The following STIM2 variants were observed in gnomAD, a reference collection of about 807,000 sequenced individuals.
STIM2 encodes the protein stromal interaction molecule 2.
STIM2 carries 31 observed loss-of-function variants against 85.8 expected under a neutral mutation model. The observed-to-expected ratio is 0.36, with a 90% CI of 0.27 to 0.49. The LOEUF (loss-of-function observed/expected upper bound fraction) is 0.49, where lower values mean the gene tolerates loss of function less well. Among genes scored for constraint, STIM2 ranks in the 20% least tolerant of loss-of-function variants. The probability of loss-of-function intolerance (pLI) is 0.98; values close to 1 mark genes in which losing one functional copy is unlikely to be tolerated. For missense variants in STIM2, 841 were observed against 927.6 expected, an observed-to-expected ratio of 0.91 and a Z score of 1.21; for synonymous variants, 356 against 331.1, an observed-to-expected ratio of 1.08 and a Z score of -0.82.
intron 1 of STIM2, among the ~76,000 whole-genome samples, chr4:26,885,859 A>ATATATATATGTATATATATATATG (rs1553845029): frequency 1.1e-5 from 1 of 89,440 alleles, no homozygotes. Flanking sequence ...ATATATATAT[A>ATATATATATGTATATATATATATG]TATATATATA....
intron 2 of STIM2, among the ~76,000 whole-genome samples, chr4:26,949,099 T>C (rs1725952091): frequency 6.6e-6 from 1 of 152,196 alleles, no homozygotes. Context: ...TAGAATTGCT[T>C]TTCTTTTTGT....
intron 1 of STIM2, chr4:26,873,616 G>A: frequency 1.9e-6 from 1 of 535,042 alleles, no homozygotes; most frequent in Non-Finnish European, 3.5e-6. Context: ...GACAGGGCTT[G>A]TTTCCTGCAG....
intron 1 of STIM2, among the ~76,000 whole-genome samples, chr4:26,897,879 C>T (rs559345441): frequency 7.9e-5 from 12 of 152,212 alleles, no homozygotes; most frequent in Non-Finnish European, 1.2e-4. Flanking sequence ...GATCTTTCTG[C>T]CTCAGCCTCC....
intron 3 of STIM2, among the ~76,000 whole-genome samples, chr4:26,968,179 A>G (rs1726803659): frequency 6.6e-6 from 1 of 152,140 alleles, no homozygotes; most frequent in Admixed American, 6.5e-5. Flanking sequence ...TCCAAAAAAA[A>G]TCATTAACCT....
At chr4:26,986,282 A>G (rs1259224983) in intron 3 of STIM2, among the ~76,000 whole-genome samples, 1 of 152,232 alleles carries the variant, frequency 6.6e-6, no homozygotes, top group African/African-American at 2.4e-5. Context: ...TACTATTATT[A>G]ACATGTCTCT....
chr4:27,020,766 G>T (rs1028347958), intron 11 of STIM2, among the ~76,000 whole-genome samples: 11 of 152,124 alleles, frequency 7.2e-5, no homozygotes, highest in Non-Finnish European at 1.5e-4. Context: ...TATTCATTTT[G>T]TAAATATGAA....
intron 1 of STIM2, among the ~76,000 whole-genome samples, chr4:26,907,993 G>T (rs530671437): frequency 6.6e-6 from 1 of 152,060 alleles, no homozygotes; most frequent in Admixed American, 6.5e-5. Context: ...ACCCATTTTT[G>T]TTGCTGAGAC....
At chr4:26,985,042 A>G (rs1463321847) in intron 3 of STIM2, among the ~76,000 whole-genome samples, 1 of 152,190 alleles carries the variant, frequency 6.6e-6, no homozygotes, top group African/African-American at 2.4e-5. Context: ...AATTTACTCC[A>G]TGTTACAAAG....
chr4:26,913,219 A>T (rs777650294), intron 1 of STIM2, among the ~76,000 whole-genome samples: 1 of 152,164 alleles, frequency 6.6e-6, no homozygotes, highest in Admixed American at 6.6e-5. Flanking sequence ...CAAAGTATGT[A>T]TTAGATTTGG....
At chr4:26,945,436 A>G (rs186272908) in intron 2 of STIM2, among the ~76,000 whole-genome samples, 78 of 152,272 alleles carry the variant, frequency 5.1e-4, no homozygotes, top group African/African-American at 1.8e-3. Flanking sequence ...AATGATAGAT[A>G]TGATTTATAT....
At chr4:26,964,516 A>C (rs1249498205) in intron 3 of STIM2, among the ~76,000 whole-genome samples, 1 of 152,146 alleles carries the variant, frequency 6.6e-6, no homozygotes, top group East Asian at 1.9e-4. Flanking sequence ...GGGAAGAATG[A>C]AACTTGAATT....
At chr4:26,870,461 A>G (rs1035280736) in intron 1 of STIM2, among the ~76,000 whole-genome samples, 2 of 152,234 alleles carry the variant, frequency 1.3e-5, no homozygotes, top group African/African-American at 4.8e-5. Context: ...AATATATGTT[A>G]GAATATTTAA....
intron 1 of STIM2, 54 bp downstream of exon 1, chr4:26,861,423 A>G (rs1722185293): frequency 2.3e-6 from 3 of 1,277,248 alleles, no homozygotes. Context: ...TGGGACCCCC[A>G]ACCCGTGCAG....
chr4:26,863,448 G>A (rs1722292076), intron 1 of STIM2, among the ~76,000 whole-genome samples: 1 of 151,992 alleles, frequency 6.6e-6, no homozygotes, highest in South Asian at 2.1e-4. Flanking sequence ...TCTTGGTAAA[G>A]GTAAACTGAA....
chr4:26,970,283 A>C (rs1400340415), intron 3 of STIM2, among the ~76,000 whole-genome samples: 4 of 149,400 alleles, frequency 2.7e-5, no homozygotes, highest in African/African-American at 9.8e-5. Flanking sequence ...GTTCTAGGGT[A>C]CACGTGCACA....
chr4:27,002,975 A>T lies in STIM2; in HGVS notation c.852A>T (p.Gln284His). ...ACAGAAATGTTGCTGTAGAAAAGCA[A>T]AATTTAGAGCGCAAAATGATGGATG... Residue 284 changes from glutamine (Q) to histidine (H), a missense_variant, in exon 7 of 12, where the codon CAA becomes CAT. Around this residue, in one of 3 missense-constraint regions of STIM2, gnomAD observed 408 missense variants for 525.4 expected, o/e 0.78. Transcript: ENST00000467087. 6.2e-7 allele frequency: 1 copy of T among 1,600,650 alleles called. No homozygotes were observed. The highest frequency in any genetic ancestry group is 1.1e-5 in the South Asian group (1 of 87,964).
chr4:26,862,229 A>G (rs1577400933), intron 1 of STIM2, among the ~76,000 whole-genome samples: 1 of 152,150 alleles, frequency 6.6e-6, no homozygotes, highest in South Asian at 2.1e-4. Flanking sequence ...GGTGTTATGT[A>G]CAACTGATCA....
At chr4:26,868,758 A>G (rs772576309) in intron 1 of STIM2, among the ~76,000 whole-genome samples, 17 of 152,166 alleles carry the variant, frequency 1.1e-4, no homozygotes, top group Non-Finnish European at 2.1e-4. Context: ...TTGTCCAGCA[A>G]TACATCTCTA....
chr4:26,999,367 C>T lies in STIM2; in HGVS notation c.625+20C>T. Reference sequence around the variant, plus strand: ...TAACACGTTAGTATTCTCTCTCACTCAGAGGATGATGTAAAAGAATATCCT... The same window carrying T: ...TAACACGTTAGTATTCTCTCTCACTTAGAGGATGATGTAAAAGAATATCCT... On this transcript the variant is annotated intron_variant, in intron 5 of 11. Transcript: ENST00000467087. The T allele has an allele frequency of 6.7e-7, 1 of 1,495,364 alleles. No homozygotes were observed. Among genetic ancestry groups the T allele is most frequent in the Non-Finnish European group, 9.2e-7 (1 of 1,087,288 alleles). 92.6% of individuals were successfully genotyped at this position (1,495,364 alleles called of 1,614,324 possible). A position where few individuals can be genotyped will look rare whatever the true frequency, so the allele number is the denominator to read the frequency against.
Sources: allele counts gnomAD v4.1 joint callset (sites outside exome capture counted in the v4.1 genomes callset), GRCh38; gene constraint gnomAD v4.1.1; regional missense constraint gnomAD v4.1.1; transcripts MANE v1.5; gene names NCBI Gene and HGNC (gene_info 2026-07-23, HGNC 2026-07-21).